The following DYNC1I1 variants were observed in gnomAD, a reference collection of about 807,000 sequenced individuals.
The protein encoded by DYNC1I1 is dynein cytoplasmic 1 intermediate chain 1, also known as cytoplasmic dynein 1 intermediate chain 1.
Under a neutral mutation model 86.6 loss-of-function variants are expected in DYNC1I1, and 43 were observed. The ratio of observed to expected loss-of-function variants is 0.50; its 90% CI spans 0.39 to 0.64. The LOEUF (loss-of-function observed/expected upper bound fraction) is 0.64. DYNC1I1 is among the 30% of genes least tolerant of loss of function. The pLI is 0.00. For synonymous variants in DYNC1I1, 262 were observed against 283.7 expected, an observed-to-expected ratio of 0.92 and a Z score of 0.77; for missense variants, 604 against 788.8, an observed-to-expected ratio of 0.77 and a Z score of 2.81.
intron 3 of DYNC1I1, 112 bp downstream of exon 3, chr7:95,810,618 TA>T: frequency 1.1e-6 from 1 of 919,212 alleles, no homozygotes; most frequent in Non-Finnish European, 1.5e-6. Context: ...TTTTTATTTT[TA>T]AAGACATTCT....
intron 5 of DYNC1I1, among the ~76,000 whole-genome samples, chr7:95,864,341 T>A (rs1238970725): frequency 6.6e-6 from 1 of 152,190 alleles, no homozygotes; most frequent in Non-Finnish European, 1.5e-5. Flanking sequence ...TAGTGTTAAA[T>A]TGGAAATCTT....
intron 2 of DYNC1I1, among the ~76,000 whole-genome samples, chr7:95,805,625 C>T (rs1794684237): frequency 6.6e-6 from 1 of 152,138 alleles, no homozygotes; most frequent in Non-Finnish European, 1.5e-5. Context: ...ATCATGTTTT[C>T]TTCCACTATG....
At chr7:96,021,468 G>T (rs1794549693) in intron 10 of DYNC1I1, among the ~76,000 whole-genome samples, 1 of 152,118 alleles carries the variant, frequency 6.6e-6, no homozygotes, top group Admixed American at 6.5e-5. Context: ...AATAAGGTTG[G>T]TAAGTTTCAT....
intron 6 of DYNC1I1, among the ~76,000 whole-genome samples, chr7:95,882,704 A>T (rs1441124652): frequency 1.3e-5 from 2 of 152,174 alleles, no homozygotes; most frequent in Non-Finnish European, 2.9e-5. Flanking sequence ...TTAAGATCCA[A>T]GTGTTATATT....
chr7:95,934,180 C>T (rs973708059), intron 6 of DYNC1I1, among the ~76,000 whole-genome samples: 8 of 151,984 alleles, frequency 5.3e-5, no homozygotes, highest in African/African-American at 1.7e-4. Context: ...CAACCATGGC[C>T]CCCCTCAATG....
intron 6 of DYNC1I1, among the ~76,000 whole-genome samples, chr7:95,960,338 C>A (rs1227239859): frequency 6.6e-6 from 1 of 151,940 alleles, no homozygotes; most frequent in Non-Finnish European, 1.5e-5. Context: ...AACTCCTAAT[C>A]TTAAATGATC....
At chr7:95,823,007 C>G (rs1795113834) in intron 4 of DYNC1I1, among the ~76,000 whole-genome samples, 1 of 152,112 alleles carries the variant, frequency 6.6e-6, no homozygotes, top group Non-Finnish European at 1.5e-5. Flanking sequence ...CTACTCTAGT[C>G]CCAAAGATAC....
intron 10 of DYNC1I1, among the ~76,000 whole-genome samples, chr7:96,009,358 C>G (rs1794218439): frequency 6.6e-6 from 1 of 152,206 alleles, no homozygotes; most frequent in Non-Finnish European, 1.5e-5. Flanking sequence ...GGGCTGGCCT[C>G]ACCCACTCCA....
At chr7:96,108,093 A>G (rs889430195) in intron 16 of DYNC1I1, among the ~76,000 whole-genome samples, 1 of 152,090 alleles carries the variant, frequency 6.6e-6, no homozygotes, top group Non-Finnish European at 1.5e-5. Context: ...GATATAAGCT[A>G]TAGGCTTTAT....
At chr7:96,077,277 G>GT (rs1562996241) in intron 15 of DYNC1I1, among the ~76,000 whole-genome samples, 87 of 150,106 alleles carry the variant, frequency 5.8e-4, no homozygotes, top group African/African-American at 1.4e-3. Flanking sequence ...GTGTGTGTGT[G>GT]GGAGGGGGCA....
At chr7:96,033,830 C>G (rs942363597) in intron 12 of DYNC1I1, among the ~76,000 whole-genome samples, 1 of 152,132 alleles carries the variant, frequency 6.6e-6, no homozygotes, top group African/African-American at 2.4e-5. Context: ...GGCAACAGAG[C>G]AAGACCCTTT....
chr7:95,820,021 A>G (rs949424613), intron 4 of DYNC1I1, among the ~76,000 whole-genome samples: 1 of 152,132 alleles, frequency 6.6e-6, no homozygotes, highest in East Asian at 1.9e-4. Context: ...GAAGTCCTAC[A>G]TTTCTTATTG....
chr7:95,883,045 A>C (rs1233257503), intron 6 of DYNC1I1, among the ~76,000 whole-genome samples: 2 of 152,108 alleles, frequency 1.3e-5, no homozygotes, highest in Non-Finnish European at 2.9e-5. Context: ...TCCTAGTGAA[A>C]TCTTGTATTT....
chr7:95,827,969 C>T (rs1392955342), intron 4 of DYNC1I1, 88 bp from the exon 5 acceptor site: 4 of 1,377,606 alleles, frequency 2.9e-6, no homozygotes, highest in Non-Finnish European at 4.1e-6. Flanking sequence ...ATGCTCTTGC[C>T]TTGATGAATG....
At chr7:96,039,528 T>C in intron 14 of DYNC1I1, 107 bp downstream of exon 14, 1 of 1,424,594 alleles carries the variant, frequency 7.0e-7, no homozygotes, top group Non-Finnish European at 9.7e-7. Flanking sequence ...CAACCTGGCA[T>C]TGGGAATTCA....
At chr7:95,838,728 C>A (rs990296660) in intron 5 of DYNC1I1, among the ~76,000 whole-genome samples, 2 of 151,676 alleles carry the variant, frequency 1.3e-5, no homozygotes, top group Admixed American at 1.3e-4. Flanking sequence ...CTTCATAGTT[C>A]TTTTATGTAG....
intron 14 of DYNC1I1, among the ~76,000 whole-genome samples, chr7:96,073,070 G>C (rs963025933): frequency 6.6e-6 from 1 of 152,132 alleles, no homozygotes; most frequent in East Asian, 1.9e-4. Flanking sequence ...CAACCTACAT[G>C]GTACTTTGAT....
At chr7:95,930,084 A>G (rs969362985) in intron 6 of DYNC1I1, among the ~76,000 whole-genome samples, 19 of 152,236 alleles carry the variant, frequency 1.2e-4, no homozygotes, top group Non-Finnish European at 2.4e-4. Context: ...ATGGCTCCCC[A>G]TATCAAGAGC....
intron 1 of DYNC1I1, among the ~76,000 whole-genome samples, chr7:95,782,763 T>A (rs900669062): frequency 6.6e-6 from 1 of 152,008 alleles, no homozygotes; most frequent in Admixed American, 6.5e-5. Context: ...ACATAGTGGT[T>A]TTATTGAGTG....
Sources: allele counts gnomAD v4.1 joint callset (sites outside exome capture counted in the v4.1 genomes callset), GRCh38; gene constraint gnomAD v4.1.1; transcripts MANE v1.5; gene names NCBI Gene and HGNC (gene_info 2026-07-23, HGNC 2026-07-21).